HLCS: variants seen among roughly 807,000 people sequenced by gnomAD.
HLCS encodes biotin--protein ligase.
HLCS carries 53 observed loss-of-function variants against 75.0 expected under a neutral mutation model. The ratio of observed to expected loss-of-function variants is 0.71; its 90% CI spans 0.57 to 0.89. The LOEUF is 0.89. HLCS is among the 40% of genes least tolerant of loss of function. The probability of loss-of-function intolerance (pLI) is 0.00; values close to 1 mark genes in which losing one functional copy is unlikely to be tolerated. For synonymous variants in HLCS, 431 were observed against 428.6 expected (o/e 1.01, Z -0.07); for missense variants, 966 against 1,074.0 (o/e 0.90, Z 1.41).
At chr21:36,814,095 G>C (rs1482927879) in intron 6 of HLCS, among the ~76,000 whole-genome samples, 2 of 152,128 alleles carry the variant, frequency 1.3e-5, no homozygotes, top group Non-Finnish European at 2.9e-5. Context: ...AGAAAGAATA[G>C]AATAGAGTTT....
intron 4 of HLCS, among the ~76,000 whole-genome samples, chr21:36,933,551 CAAAA>C (rs66614497): frequency 5.9e-5 from 5 of 84,034 alleles, no homozygotes; most frequent in African/African-American, 1.4e-4. Flanking sequence ...AACTCCGTCT[CAAAA>C]AAAAAAAAAA....
chr21:36,940,484 T>C (rs1260265202), intron 2 of HLCS, among the ~76,000 whole-genome samples: 1 of 152,200 alleles, frequency 6.6e-6, no homozygotes, highest in Non-Finnish European at 1.5e-5. Flanking sequence ...GCTTGAATTC[T>C]ATTTTAGATA....
chr21:36,765,097 G>T lies in HLCS; in HGVS notation c.2036C>A (p.Ser679Tyr), dbSNP rs777373322. 1.3e-5 allele frequency: 21 copies of T among 1,614,076 alleles called. No homozygotes were observed. Among genetic ancestry groups the T allele is most frequent in the Non-Finnish European group, 1.6e-5 (19 of 1,180,016 alleles). The change falls in exon 8 of 11, where the codon TCC becomes TAC. Residue 679 changes from serine to tyrosine, a missense_variant. Physicochemically the swap from Ser to Tyr is moderately radical, Grantham distance 144 (BLOSUM62 -2). Transcript: ENST00000674895. Reference sequence around the variant, plus strand: ...AAACGGGATCCTCTGTCCCAGCTGGGATCTCAGTGGAATGGAGATGAGCAG... The same window carrying T: ...AAACGGGATCCTCTGTCCCAGCTGGTATCTCAGTGGAATGGAGATGAGCAG... ...STLLISIPLR[S>Y]QLGQRIPFVQ...
At chr21:36,833,039 ATT>A (rs113372337) in intron 6 of HLCS, among the ~76,000 whole-genome samples, 16 of 144,146 alleles carry the variant, frequency 1.1e-4, no homozygotes, top group African/African-American at 3.8e-4. Flanking sequence ...ATAGAAGACC[ATT>A]TTTTTTTTTT....
chr21:36,965,224 T>G (rs2068504703), intron 1 of HLCS, among the ~76,000 whole-genome samples: 1 of 152,220 alleles, frequency 6.6e-6, no homozygotes, highest in African/African-American at 2.4e-5. Flanking sequence ...CACAGGGGCT[T>G]TACGGTGTGA....
chr21:36,785,190 G>A (rs1318888469), intron 6 of HLCS, among the ~76,000 whole-genome samples: 1 of 152,062 alleles, frequency 6.6e-6, no homozygotes, highest in Non-Finnish European at 1.5e-5. Flanking sequence ...CCTCTCTTCA[G>A]AGCCTTCCCT....
intron 6 of HLCS, among the ~76,000 whole-genome samples, chr21:36,782,611 T>C (rs2145842704): frequency 6.6e-6 from 1 of 152,084 alleles, no homozygotes; most frequent in South Asian, 2.1e-4. Context: ...TAGAGGAGAA[T>C]AGGGAGCATT....
At chr21:36,816,755 C>T (rs1474581148) in intron 6 of HLCS, among the ~76,000 whole-genome samples, 2 of 152,142 alleles carry the variant, frequency 1.3e-5, no homozygotes, top group East Asian at 3.8e-4. Context: ...AGTGGAGATA[C>T]ATGGCACAGC....
chr21:36,904,317 TCTA>T (rs2065360495), intron 5 of HLCS, among the ~76,000 whole-genome samples: 1 of 152,250 alleles, frequency 6.6e-6, no homozygotes, highest in South Asian at 2.1e-4. Context: ...CATTGTTATG[TCTA>T]CTAATTACTA....
chr21:36,751,065 A>G lies in HLCS; in HGVS notation c.*3181T>C, dbSNP rs910814188. 5 of 151,614 alleles carry G rather than the reference A, an allele frequency of 3.3e-5. No homozygotes were observed. Among genetic ancestry groups the G allele is most frequent in the African/African-American group, 1.2e-4 (5 of 41,132 alleles). The allele number at this position is 151,614 out of a possible 1,614,324, so 9.4% of individuals were successfully genotyped here. On this transcript the variant is annotated 3_prime_UTR_variant, in exon 11 of 11. Transcript: ENST00000674895. ...TCTTAATACTTGGAAATACGTACAT[A>G]TTCCTTACTATGTAAAACACTTTAT... is the stretch of plus-strand genomic sequence containing the variant.
intron 6 of HLCS, among the ~76,000 whole-genome samples, chr21:36,874,401 CAAAAAAATAAAAT>C (rs1476091363): frequency 9.9e-6 from 1 of 101,278 alleles, no homozygotes; most frequent in Non-Finnish European, 1.8e-5. Context: ...GACTCCGTCT[CAAAAAAATAAAAT>C]AAAATAAAAT....
At chr21:36,791,634 A>G (rs1383060213) in intron 6 of HLCS, among the ~76,000 whole-genome samples, 1 of 151,890 alleles carries the variant, frequency 6.6e-6, no homozygotes, top group Non-Finnish European at 1.5e-5. Flanking sequence ...ACCATGTGAG[A>G]GAAATAGGGG....
Position 36,833,794 on chromosome 21 carries a change from C to T in HLCS, c.1892+63066G>A, listed in dbSNP as rs546463336. On this transcript the variant is annotated intron_variant, in intron 6 of 10. Transcript: ENST00000674895. ...TGGTAAAGGAGCCAAAGATTCCCAACTAAAATGACTACTGGAACAACTGCA... is the reference window on the plus strand; with the variant it reads ...TGGTAAAGGAGCCAAAGATTCCCAATTAAAATGACTACTGGAACAACTGCA... Among the ~76,000 whole-genome samples, 21 of 152,168 alleles carry T rather than the reference C, an allele frequency of 1.4e-4. No homozygotes were observed. The East Asian group carries it at 3.9e-3, about 28-fold the overall frequency.
intron 5 of HLCS, among the ~76,000 whole-genome samples, chr21:36,928,159 C>T (rs2066486470): frequency 6.6e-6 from 1 of 152,204 alleles, no homozygotes; most frequent in South Asian, 2.1e-4. Flanking sequence ...GCATATCCAC[C>T]TTCAAATTCA....
At position 36,750,541 on chromosome 21, in the gene HLCS, A is replaced by G. The variant is rs991554214; in HGVS notation, c.*3705T>C. ...GCCCTGCCTTCGTCCCTTCCGCCCT[A>G]AGCCCTAAGAGTGGGGGAGGTTTAA... On this transcript the variant is annotated 3_prime_UTR_variant, in exon 11 of 11. Transcript: ENST00000674895. 6.6e-6 allele frequency among the ~76,000 whole-genome samples: 1 copy of G among 152,130 alleles called. No homozygotes were observed. The highest frequency in any genetic ancestry group is 2.4e-5 in the African/African-American group (1 of 41,408).
chr21:36,838,745 GACAC>G, intron 6 of HLCS, among the ~76,000 whole-genome samples: 1 of 148,518 alleles, frequency 6.7e-6, no homozygotes, highest in East Asian at 2.0e-4. Flanking sequence ...AAAAGGAGAA[GACAC>G]ACACACACAC....
intron 1 of HLCS, among the ~76,000 whole-genome samples, chr21:36,977,105 C>G (rs1292565501): frequency 6.6e-6 from 1 of 151,908 alleles, no homozygotes; most frequent in Non-Finnish European, 1.5e-5. Context: ...TGTAAAGTGA[C>G]GTAGAACTGC....
chr21:36,761,151 C>G (rs1296274205), intron 8 of HLCS, among the ~76,000 whole-genome samples: 1 of 152,176 alleles, frequency 6.6e-6, no homozygotes, highest in Non-Finnish European at 1.5e-5. Context: ...TTGGTGCTAG[C>G]GCATCCCCAG....
At chr21:36,761,026 A>G (rs1185772171) in intron 8 of HLCS, among the ~76,000 whole-genome samples, 1 of 152,258 alleles carries the variant, frequency 6.6e-6, no homozygotes, top group African/African-American at 2.4e-5. Flanking sequence ...GGGAGCAGAG[A>G]GTAGCTGATG....
Sources: allele counts gnomAD v4.1 joint callset (sites outside exome capture counted in the v4.1 genomes callset), GRCh38; gene constraint gnomAD v4.1.1; transcripts MANE v1.5; gene names NCBI Gene and HGNC (gene_info 2026-07-23, HGNC 2026-07-21).